The following ANO2 variants were observed in gnomAD, a reference collection of about 807,000 sequenced individuals.
ANO2 encodes the protein anoctamin-2.
A neutral mutation model predicts 124.2 loss-of-function variants in ANO2; 101 were observed. That is an observed-to-expected ratio of 0.81 (90% CI 0.69 to 0.96). ANO2 has a LOEUF of 0.96. ANO2 is among the 40% of genes least tolerant of loss of function. The probability of loss-of-function intolerance (pLI) is 0.00; values close to 1 mark genes in which losing one functional copy is unlikely to be tolerated. For synonymous variants in ANO2, 486 were observed against 482.5 expected (o/e 1.01, Z -0.09); for missense variants, 1,293 against 1,274.5 (o/e 1.01, Z -0.22).
chr12:5,867,215 C>T (rs1159449735), intron 3 of ANO2, among the ~76,000 whole-genome samples: 1 of 152,226 alleles, frequency 6.6e-6, no homozygotes, highest in Non-Finnish European at 1.5e-5. Flanking sequence ...TGATCACAAG[C>T]TTTCTTCAGC....
intron 3 of ANO2, among the ~76,000 whole-genome samples, chr12:5,887,294 G>A (rs1439901238): frequency 6.6e-6 from 1 of 152,126 alleles, no homozygotes; most frequent in Non-Finnish European, 1.5e-5. Context: ...TGAAATATAG[G>A]AAAGTGAAAG....
At chr12:5,849,859 G>A (rs533701846) in intron 4 of ANO2, among the ~76,000 whole-genome samples, 2 of 151,972 alleles carry the variant, frequency 1.3e-5, no homozygotes, top group Non-Finnish European at 2.9e-5. Flanking sequence ...AGCAAATGTG[G>A]TTTTTTTCTC....
intron 16 of ANO2, among the ~76,000 whole-genome samples, chr12:5,620,449 C>T (rs1173780118): frequency 6.6e-6 from 1 of 152,116 alleles, no homozygotes; most frequent in African/African-American, 2.4e-5. Flanking sequence ...CTGGAGACAG[C>T]AGTGTAAATC....
intron 14 of ANO2, among the ~76,000 whole-genome samples, chr12:5,726,727 C>G (rs1950455921): frequency 6.6e-6 from 1 of 152,142 alleles, no homozygotes; most frequent in Non-Finnish European, 1.5e-5. Flanking sequence ...CCTCCTATGC[C>G]CACATCCTTG....
At chr12:5,808,060 C>A (rs1396549726) in intron 7 of ANO2, among the ~76,000 whole-genome samples, 3 of 152,250 alleles carry the variant, frequency 2.0e-5, no homozygotes, top group African/African-American at 7.2e-5. Flanking sequence ...TTTGTGTATT[C>A]TTGCACTTTC....
At chr12:5,586,294 A>G (rs1378213610) in intron 20 of ANO2, among the ~76,000 whole-genome samples, 1 of 152,152 alleles carries the variant, frequency 6.6e-6, no homozygotes, top group East Asian at 1.9e-4. Flanking sequence ...GACTCAACCT[A>G]CTTCTCAGAA....
At chr12:5,738,923 C>CT (rs1950982190) in intron 13 of ANO2, among the ~76,000 whole-genome samples, 1 of 152,166 alleles carries the variant, frequency 6.6e-6, no homozygotes, top group Non-Finnish European at 1.5e-5. Context: ...CAACCAGCAC[C>CT]TGACACCCTG....
At chr12:5,683,136 G>T (rs918798873) in intron 14 of ANO2, among the ~76,000 whole-genome samples, 17 of 152,168 alleles carry the variant, frequency 1.1e-4, no homozygotes, top group Non-Finnish European at 1.5e-5. Flanking sequence ...ATCCTGGATT[G>T]TAAGACAACC....
intron 4 of ANO2, among the ~76,000 whole-genome samples, chr12:5,844,941 T>C (rs1954635325): frequency 6.9e-6 from 1 of 144,108 alleles, no homozygotes; most frequent in Middle Eastern, 3.2e-3. Context: ...TCTGAATTTG[T>C]TCAACCATGA....
At chr12:5,767,096 T>C (rs1480629725) in intron 10 of ANO2, among the ~76,000 whole-genome samples, 3 of 152,214 alleles carry the variant, frequency 2.0e-5, no homozygotes, top group Non-Finnish European at 2.9e-5. Context: ...GCTGGAGGGC[T>C]AATTTCTGCT....
At chr12:5,792,999 G>A (rs1169794720) in intron 10 of ANO2, among the ~76,000 whole-genome samples, 1 of 152,220 alleles carries the variant, frequency 6.6e-6, no homozygotes, top group Non-Finnish European at 1.5e-5. Flanking sequence ...TGATAAGGCT[G>A]TGTGGGGAAC....
intron 14 of ANO2, among the ~76,000 whole-genome samples, chr12:5,662,007 G>C (rs576118968): frequency 6.6e-6 from 1 of 152,204 alleles, no homozygotes; most frequent in Non-Finnish European, 1.5e-5. Flanking sequence ...TCGCCAACTG[G>C]CTCCCATGGC....
Position 5,636,392 on chromosome 12 carries a change from A to C in ANO2, c.1621-1045T>G, listed in dbSNP as rs1031651021. 6.6e-6 allele frequency among the ~76,000 whole-genome samples: 1 copy of C among 152,046 alleles called. No homozygotes were observed. Among genetic ancestry groups the C allele is most frequent in the Non-Finnish European group, 1.5e-5 (1 of 67,998 alleles). On this transcript the variant is annotated intron_variant, in intron 15 of 24. Transcript: ENST00000682330. This position sits in a 1 kb window ranked among gnomAD's most constrained non-coding sequence, Gnocchi z 4.6. ...GAGACAACTGCTAGGTGCATGCCCC[A>C]CTCAGAGCAAATTCTAATTTGCTTC...
intron 3 of ANO2, among the ~76,000 whole-genome samples, chr12:5,871,016 A>AT (rs1485467484): frequency 6.6e-6 from 1 of 152,144 alleles, no homozygotes; most frequent in Non-Finnish European, 1.5e-5. Flanking sequence ...AAAAAAACTG[A>AT]TTTTTTTATT....
rs764183496 is a variant in ANO2 at position 5,599,561 on chromosome 12, G to C, written c.2156C>G (p.Ser719Trp). The C allele has an allele frequency of 6.8e-6, 11 of 1,613,910 alleles. No individual in the cohort carries two copies. The highest frequency in any genetic ancestry group is 9.3e-6 in the Non-Finnish European group (11 of 1,179,856). The change falls in exon 20 of 25, where the codon TCG becomes TGG. Residue 719 changes from serine (S) to tryptophan (W), a missense_variant. Ser to Trp is a radical substitution (Grantham distance 177). Coordinates refer to ENST00000682330, the MANE Select transcript of ANO2 (RefSeq NM_001364791.2). ...TAGGTCCCACTGCTCTGGATGTTTC[G>C]AATGGGCAGAGTCAGTTTCTCCAGC... ...TEAGETDSAH[S>W]KHPEQWDLDY...
chr12:5,626,129 G>A (rs567001877), intron 16 of ANO2, among the ~76,000 whole-genome samples: 2 of 152,152 alleles, frequency 1.3e-5, no homozygotes. Context: ...GTTGGGGAGT[G>A]CATTTTGGCA....
intron 12 of ANO2, among the ~76,000 whole-genome samples, chr12:5,743,470 G>GGT (rs1304039798): frequency 1.3e-5 from 1 of 76,106 alleles, no homozygotes; most frequent in East Asian, 5.3e-4. Flanking sequence ...TGTGAGAATA[G>GGT]GCGTGTGTGT....
chr12:5,632,468 T>C (rs1319387407), intron 16 of ANO2, among the ~76,000 whole-genome samples: 1 of 152,052 alleles, frequency 6.6e-6, no homozygotes, highest in Non-Finnish European at 1.5e-5. Context: ...TGAGTATCAC[T>C]CTCAGAGAGA....
intron 5 of ANO2, 87 bp downstream of exon 5, chr12:5,832,365 G>A (rs921615808): frequency 6.7e-7 from 1 of 1,502,462 alleles, no homozygotes; most frequent in African/African-American, 1.4e-5. Context: ...ACCCACTTTG[G>A]GAGCCCCAGG....
Sources: allele counts gnomAD v4.1 joint callset (sites outside exome capture counted in the v4.1 genomes callset), GRCh38; gene constraint gnomAD v4.1.1; non-coding constraint Gnocchi (gnomAD v3.1); transcripts MANE v1.5; gene names NCBI Gene and HGNC (gene_info 2026-07-23, HGNC 2026-07-21).